Variants in CDH12 observed in about 807,000 individuals in gnomAD.
CDH12 encodes cadherin-12.
A neutral mutation model predicts 74.1 loss-of-function variants in CDH12; 41 were observed. That is an observed-to-expected ratio of 0.55 (90% CI 0.43 to 0.72). The LOEUF is 0.72. CDH12 is among the 30% of genes least tolerant of loss of function. The probability of loss-of-function intolerance (pLI) is 0.00; values close to 1 mark genes in which losing one functional copy is unlikely to be tolerated. For missense variants in CDH12, 945 were observed against 977.2 expected (o/e 0.97, Z 0.44); for synonymous variants, 399 against 355.0 (o/e 1.12, Z -1.39).
At chr5:22,284,169 TTGAAGAA>T (rs1737036665) in intron 3 of CDH12, among the ~76,000 whole-genome samples, 1 of 152,144 alleles carries the variant, frequency 6.6e-6, no homozygotes, top group Non-Finnish European at 1.5e-5. Flanking sequence ...TGATAGAACT[TTGAAGAA>T]CTGCAGAATT....
chr5:22,774,942 A>G (rs1443422431), intron 1 of CDH12, among the ~76,000 whole-genome samples: 1 of 152,052 alleles, frequency 6.6e-6, no homozygotes, highest in Non-Finnish European at 1.5e-5. Context: ...CACAGAATGT[A>G]CCCATGTAAC....
intron 4 of CDH12, among the ~76,000 whole-genome samples, chr5:22,095,465 G>T (rs569846340): frequency 6.6e-6 from 1 of 152,008 alleles, no homozygotes. Context: ...ATGTTTCAGA[G>T]GTGTCTGACC....
chr5:22,071,319 T>C (rs1188792318), intron 5 of CDH12, among the ~76,000 whole-genome samples: 1 of 152,154 alleles, frequency 6.6e-6, no homozygotes, highest in Non-Finnish European at 1.5e-5. Flanking sequence ...TCTCCTTCAT[T>C]TATGCTTTTG....
chr5:22,308,854 AGAGAGAGAGAGAGAG>A (rs1422293933), intron 3 of CDH12, among the ~76,000 whole-genome samples: 4 of 134,028 alleles, frequency 3.0e-5, no homozygotes, highest in African/African-American at 6.9e-5. Context: ...ACATACACAC[AGAGAGAGAGAGAGAG>A]GAGAGAGAGA....
At chr5:22,727,538 G>T (rs1187870508) in intron 1 of CDH12, among the ~76,000 whole-genome samples, 1 of 151,500 alleles carries the variant, frequency 6.6e-6, no homozygotes, top group Non-Finnish European at 1.5e-5. Context: ...TACTCGTTTA[G>T]ATTTGCATAT....
intron 6 of CDH12, among the ~76,000 whole-genome samples, chr5:21,913,198 C>G (rs1753940418): frequency 6.6e-6 from 1 of 152,142 alleles, no homozygotes; most frequent in Admixed American, 6.5e-5. Context: ...TTCTATGGCT[C>G]ATCTTGGAGA....
chr5:22,343,324 AG>A, intron 3 of CDH12, among the ~76,000 whole-genome samples: 1 of 91,086 alleles, frequency 1.1e-5, no homozygotes, highest in East Asian at 3.1e-4. Context: ...ACACACACAC[AG>A]AGAGAGAGAG....
chr5:22,018,238 C>G (rs1171998080), intron 5 of CDH12, among the ~76,000 whole-genome samples: 1 of 152,104 alleles, frequency 6.6e-6, no homozygotes, highest in African/African-American at 2.4e-5. Flanking sequence ...ATTTCCCTCT[C>G]TATGATAAAG....
intron 1 of CDH12, among the ~76,000 whole-genome samples, chr5:22,746,077 T>G (rs1198716812): frequency 6.6e-6 from 1 of 152,058 alleles, no homozygotes; most frequent in East Asian, 1.9e-4. Context: ...TTGGTTCATC[T>G]GTCAATTGAA....
intron 2 of CDH12, among the ~76,000 whole-genome samples, chr5:22,426,121 A>T (rs1049149987): frequency 2.0e-5 from 3 of 150,104 alleles, no homozygotes; most frequent in African/African-American, 7.3e-5. Context: ...TGGGAGGCAG[A>T]GTTTGCAGTG....
At chr5:22,787,752 G>T (rs1747708323) in intron 1 of CDH12, among the ~76,000 whole-genome samples, 1 of 152,114 alleles carries the variant, frequency 6.6e-6, no homozygotes, top group African/African-American at 2.4e-5. Context: ...CTGGGAAATT[G>T]GCTTATACAT....
intron 6 of CDH12, among the ~76,000 whole-genome samples, chr5:21,973,112 T>C (rs986677119): frequency 1.4e-5 from 2 of 146,060 alleles, no homozygotes; most frequent in African/African-American, 5.1e-5. Context: ...GAGGCTCAGG[T>C]GGAGGGATCT....
At chr5:22,233,677 C>T (rs1752465969) in intron 3 of CDH12, among the ~76,000 whole-genome samples, 1 of 152,114 alleles carries the variant, frequency 6.6e-6, no homozygotes, top group African/African-American at 2.4e-5. Flanking sequence ...TTTTGAACAA[C>T]AGGAACAGCA....
intron 12 of CDH12, among the ~76,000 whole-genome samples, chr5:21,761,764 T>TAGAC (rs1208648078): frequency 6.6e-6 from 1 of 151,812 alleles, no homozygotes; most frequent in East Asian, 1.9e-4. Context: ...GATAGATAGA[T>TAGAC]AGATAGATAG....
At chr5:22,780,161 G>A (rs1747314467) in intron 1 of CDH12, among the ~76,000 whole-genome samples, 1 of 152,084 alleles carries the variant, frequency 6.6e-6, no homozygotes, top group African/African-American at 2.4e-5. Context: ...CAAGGGAGGA[G>A]GATCACTTGA....
At chr5:22,196,563 C>T (rs924089934) in intron 4 of CDH12, among the ~76,000 whole-genome samples, 4 of 152,158 alleles carry the variant, frequency 2.6e-5, no homozygotes, top group Non-Finnish European at 4.4e-5. Flanking sequence ...AAACTGCCTA[C>T]GCTGAGTTGA....
intron 2 of CDH12, among the ~76,000 whole-genome samples, chr5:22,418,238 CTCTT>C (rs949422427): frequency 2.7e-5 from 4 of 150,176 alleles, no homozygotes; most frequent in African/African-American, 7.4e-5. Flanking sequence ...CACGATTTGG[CTCTT>C]TGTTTGTCTA....
chr5:22,846,952 G>A (rs1737333321), intron 1 of CDH12, among the ~76,000 whole-genome samples: 1 of 150,730 alleles, frequency 6.6e-6, no homozygotes, highest in South Asian at 2.1e-4. Flanking sequence ...TTTTAATACC[G>A]TTGTTAAAAT....
chr5:21,797,100 C>CT (rs1183934544), intron 10 of CDH12, among the ~76,000 whole-genome samples: 3 of 151,946 alleles, frequency 2.0e-5, no homozygotes, highest in Non-Finnish European at 2.9e-5. Context: ...GGTGTGTTTG[C>CT]TAGTCATGAA....
Sources: gnomAD v4.1 joint callset for allele counts (sites outside exome capture counted in the v4.1 genomes callset) on GRCh38, gnomAD v4.1.1 for gene constraint, MANE v1.5 for transcripts, NCBI Gene and HGNC (gene_info 2026-07-23, HGNC 2026-07-21) for gene names.